The following NR2F1-AS1 variants were observed in gnomAD, a reference collection of about 807,000 sequenced individuals.
NR2F1-AS1 encodes NR2F1 antisense RNA 1.
chr5:93,482,252 GACT>G (rs1441788067), intron 4 of NR2F1-AS1, among the ~76,000 whole-genome samples: 1 of 152,106 alleles, frequency 6.6e-6, no homozygotes, highest in East Asian at 1.9e-4. Context: ...TGAGGTACCT[GACT>G]CATCTCATTG....
At chr5:93,578,748 G>T (rs1175302019) in intron 1 of NR2F1-AS1, among the ~76,000 whole-genome samples, 1 of 152,250 alleles carries the variant, frequency 6.6e-6, no homozygotes, top group Non-Finnish European at 1.5e-5. Flanking sequence ...TGCGTTTTCT[G>T]CTCCTGCAGC....
At chr5:93,495,856 C>T (rs931272633) in intron 4 of NR2F1-AS1, among the ~76,000 whole-genome samples, 1 of 151,936 alleles carries the variant, frequency 6.6e-6, no homozygotes, top group Admixed American at 6.6e-5. Context: ...GAAATGCTCT[C>T]GTCAAATTTT....
intron 2 of NR2F1-AS1, among the ~76,000 whole-genome samples, chr5:93,561,270 A>T (rs1036445670): frequency 5.3e-5 from 8 of 152,190 alleles, no homozygotes; most frequent in African/African-American, 1.9e-4. Flanking sequence ...AAAAAAAAAT[A>T]AAAAAGCTAT....
rs139362466 is a variant in NR2F1-AS1, at chr5:93,513,020, C to T, written n.638+40741G>A. Reference sequence around the variant, plus strand: ...AACTTTCACTAACACAGTTAACAAACGTTTCCTGTAGACATACAAGCAGCC... The same window carrying T: ...AACTTTCACTAACACAGTTAACAAATGTTTCCTGTAGACATACAAGCAGCC... On this transcript the variant is annotated intron_variant and non_coding_transcript_variant, in intron 4 of 5. Coordinates refer to ENST00000660523, the Ensembl canonical transcript of NR2F1-AS1. Among the ~76,000 whole-genome samples, 850 of 152,136 alleles carry T rather than the reference C, an allele frequency of 5.6e-3. 7 individuals are homozygous for T. Among genetic ancestry groups the T allele is most frequent in the African/African-American group, 0.019 (786 of 41,524 alleles).
chr5:93,531,694 A>G (rs1188089192), intron 4 of NR2F1-AS1, among the ~76,000 whole-genome samples: 1 of 152,160 alleles, frequency 6.6e-6, no homozygotes, highest in East Asian at 1.9e-4. Flanking sequence ...TCACATCTTT[A>G]TTAACAAAGT....
At chr5:93,500,289 C>T (rs1751051064) in intron 4 of NR2F1-AS1, among the ~76,000 whole-genome samples, 1 of 152,168 alleles carries the variant, frequency 6.6e-6, no homozygotes, top group South Asian at 2.1e-4. Flanking sequence ...CAGCTGGTGA[C>T]TTTAGGTTGG....
chr5:93,556,742 T>C (rs1752364655), intron 2 of NR2F1-AS1, among the ~76,000 whole-genome samples: 1 of 152,128 alleles, frequency 6.6e-6, no homozygotes, highest in African/African-American at 2.4e-5. Flanking sequence ...CACCAGAAGC[T>C]AGCAAAGAAC....
intron 4 of NR2F1-AS1, among the ~76,000 whole-genome samples, chr5:93,505,012 C>T (rs970064891): frequency 6.6e-6 from 1 of 152,186 alleles, no homozygotes; most frequent in African/African-American, 2.4e-5. Context: ...CCAGGCAAGT[C>T]CCTTCCGCCT....
At chr5:93,500,806 AT>A (rs1390845393) in intron 4 of NR2F1-AS1, among the ~76,000 whole-genome samples, 2 of 151,978 alleles carry the variant, frequency 1.3e-5, no homozygotes, top group Non-Finnish European at 2.9e-5. Flanking sequence ...TGCCCAGCAA[AT>A]TTTTTGTATT....
At chr5:93,420,817 T>C (rs1307601133) in intron 4 of NR2F1-AS1, among the ~76,000 whole-genome samples, 1 of 152,084 alleles carries the variant, frequency 6.6e-6, no homozygotes, top group East Asian at 1.9e-4. Context: ...AAAAATAAAC[T>C]TGCAGACTGC....
At position 93,448,789 on chromosome 5, in the gene NR2F1-AS1, A is replaced by G. The variant is rs78152475; in HGVS notation, n.639-53247T>C. ...TGTTCTATTGAGGTCTTCAGTTGAC[A>G]GGCTGAAGCCCACCCACACCAGGGA... On this transcript the variant is annotated intron_variant and non_coding_transcript_variant, in intron 4 of 5. Coordinates refer to ENST00000660523, the Ensembl canonical transcript of NR2F1-AS1. 3.9e-4 allele frequency among the ~76,000 whole-genome samples: 59 copies of G among 152,292 alleles called. No homozygotes were observed. The East Asian group carries it at 9.7e-3, about 25-fold the overall frequency.
chr5:93,526,552 A>T (rs1751619841), intron 4 of NR2F1-AS1, among the ~76,000 whole-genome samples: 1 of 152,160 alleles, frequency 6.6e-6, no homozygotes, highest in Admixed American at 6.5e-5. Flanking sequence ...AAAAAGGAAA[A>T]TTTCAGGCCA....
chr5:93,461,434 A>G (rs1379093971), intron 4 of NR2F1-AS1, among the ~76,000 whole-genome samples: 1 of 152,186 alleles, frequency 6.6e-6, no homozygotes, highest in African/African-American at 2.4e-5. Context: ...CCACCATGGC[A>G]CATGTTTACC....
intron 4 of NR2F1-AS1, among the ~76,000 whole-genome samples, chr5:93,422,041 G>C (rs1167567604): frequency 1.3e-5 from 2 of 152,144 alleles, no homozygotes; most frequent in African/African-American, 4.8e-5. Context: ...ATTCAAAACT[G>C]ACTGCAAGGC....
chr5:93,429,934 A>G (rs549193808), intron 4 of NR2F1-AS1, among the ~76,000 whole-genome samples: 3 of 152,354 alleles, frequency 2.0e-5, no homozygotes, highest in East Asian at 1.9e-4. Flanking sequence ...AATGATGAAT[A>G]TAAGTACATA....
chr5:93,582,950 G>GA (rs1019942883), upstream of NR2F1-AS1, among the ~76,000 whole-genome samples: 28 of 143,182 alleles, frequency 2.0e-4, no homozygotes, highest in African/African-American at 6.1e-4. Context: ...TAGCTAAGCG[G>GA]GGGGGGGAGA....
chr5:93,523,244 T>C (rs752995330), intron 4 of NR2F1-AS1, among the ~76,000 whole-genome samples: 1 of 152,134 alleles, frequency 6.6e-6, no homozygotes, highest in Non-Finnish European at 1.5e-5. Context: ...AAGTTCCAAC[T>C]GGATGGAGCC....
chr5:93,514,668 A>T (rs556112737), intron 4 of NR2F1-AS1, among the ~76,000 whole-genome samples: 1 of 152,200 alleles, frequency 6.6e-6, no homozygotes. Flanking sequence ...ATTCTTGCTG[A>T]TGCACTGAAT....
At chr5:93,526,908 C>G (rs1205140471) in intron 4 of NR2F1-AS1, among the ~76,000 whole-genome samples, 1 of 152,106 alleles carries the variant, frequency 6.6e-6, no homozygotes, top group Non-Finnish European at 1.5e-5. Flanking sequence ...TGGGCAAAAG[C>G]TGGAAGCATT....
Sources: gnomAD v4.1 joint callset for allele counts (sites outside exome capture counted in the v4.1 genomes callset) on GRCh38, gnomAD v4.1.1 for gene constraint, MANE v1.5 for transcripts, NCBI Gene and HGNC (gene_info 2026-07-23, HGNC 2026-07-21) for gene names.